Variants in FHIP1A observed in about 807,000 individuals in gnomAD.
The protein encoded by FHIP1A is FHF complex subunit HOOK-interacting protein 1A.
In FHIP1A, 61 loss-of-function variants were observed where a neutral mutation model predicts 88.6. That is an observed-to-expected ratio of 0.69 (90% CI 0.56 to 0.85). FHIP1A has a LOEUF of 0.85. FHIP1A is among the 40% of genes least tolerant of loss of function. FHIP1A has a pLI of 0.00. For missense variants in FHIP1A, 1,154 were observed against 1,273.5 expected (o/e 0.91, Z 1.43); for synonymous variants, 478 against 496.0 (o/e 0.96, Z 0.48).
chr4:151,535,301 T>C (rs1416145263), intron 3 of FHIP1A, among the ~76,000 whole-genome samples: 1 of 152,196 alleles, frequency 6.6e-6, no homozygotes, highest in Non-Finnish European at 1.5e-5. Context: ...CACGAGCAGA[T>C]TGGTTAAATA....
intron 11 of FHIP1A, among the ~76,000 whole-genome samples, chr4:151,654,072 GT>G (rs758206414): frequency 0.019 from 2,607 of 139,672 alleles, 42 homozygotes; most frequent in African/African-American, 0.049. Flanking sequence ...GTTAAGCAGG[GT>G]TTTTTTTTTT....
intron 3 of FHIP1A, among the ~76,000 whole-genome samples, chr4:151,514,812 A>G (rs1314770783): frequency 6.6e-6 from 1 of 152,216 alleles, no homozygotes; most frequent in Non-Finnish European, 1.5e-5. Flanking sequence ...GCAATAATCA[A>G]TAGCTTACCA....
At chr4:151,521,303 G>A (rs1731434497) in intron 3 of FHIP1A, among the ~76,000 whole-genome samples, 1 of 152,054 alleles carries the variant, frequency 6.6e-6, no homozygotes, top group African/African-American at 2.4e-5. Context: ...TTTAAGGGAG[G>A]AACAGTCATT....
At chr4:151,569,903 C>T (rs1240593847) in intron 4 of FHIP1A, among the ~76,000 whole-genome samples, 2 of 152,136 alleles carry the variant, frequency 1.3e-5, no homozygotes, top group African/African-American at 4.8e-5. Context: ...CATGGCATCC[C>T]CAGAATCATT....
At chr4:151,629,932 T>C in intron 8 of FHIP1A, 63 bp downstream of exon 8, 1 of 1,325,740 alleles carries the variant, frequency 7.5e-7, no homozygotes, top group Non-Finnish European at 1.0e-6. Context: ...GAGTTTTTTT[T>C]TGGGAATGAA....
At chr4:151,528,634 A>G (rs1342370071) in intron 3 of FHIP1A, among the ~76,000 whole-genome samples, 1 of 152,098 alleles carries the variant, frequency 6.6e-6, no homozygotes, top group Non-Finnish European at 1.5e-5. Flanking sequence ...TTTGACTGTC[A>G]TTTTTTAAAT....
intron 7 of FHIP1A, among the ~76,000 whole-genome samples, chr4:151,593,000 C>A (rs1247529308): frequency 3.3e-5 from 5 of 152,152 alleles, no homozygotes; most frequent in Non-Finnish European, 7.4e-5. Context: ...GTTTTCCCAG[C>A]ACCATTTATT....
chr4:151,516,608 A>G (rs865806449), intron 3 of FHIP1A, among the ~76,000 whole-genome samples: 3 of 152,222 alleles, frequency 2.0e-5, no homozygotes, highest in Non-Finnish European at 1.5e-5. Flanking sequence ...TTTACAAGAA[A>G]AAAACAAACA....
chr4:151,496,462 C>T (rs1730464308), intron 3 of FHIP1A, among the ~76,000 whole-genome samples: 1 of 151,946 alleles, frequency 6.6e-6, no homozygotes, highest in South Asian at 2.1e-4. Flanking sequence ...TTTGTGCTCT[C>T]ATGTAGTTGA....
chr4:151,617,886 A>G lies in FHIP1A; in HGVS notation c.979-11816A>G, dbSNP rs768817135. The stretch of plus-strand genomic sequence containing the variant: ...GGGTGACAGAGAGAGACTCTGTCTT[A>G]AAAAAAAGAAAAAGTGTATTCATCT... On this transcript the variant is annotated intron_variant, in intron 7 of 13. Transcript: ENST00000435205. 6.4e-4 allele frequency among the ~76,000 whole-genome samples: 97 copies of G among 152,078 alleles called. 1 individual carries two copies. Among genetic ancestry groups the G allele is most frequent in the Non-Finnish European group, 1.1e-3 (75 of 67,948 alleles).
intron 1 of FHIP1A, among the ~76,000 whole-genome samples, chr4:151,418,778 A>G (rs2126516106): frequency 6.6e-6 from 1 of 152,258 alleles, no homozygotes; most frequent in East Asian, 1.9e-4. Context: ...AGGAGTTGAG[A>G]GTAACTCTGC....
intron 3 of FHIP1A, among the ~76,000 whole-genome samples, chr4:151,500,961 G>A (rs1181541992): frequency 6.6e-6 from 1 of 152,152 alleles, no homozygotes; most frequent in Non-Finnish European, 1.5e-5. Flanking sequence ...TGCTGTGTTG[G>A]TTAAAATGGC....
rs56199696 is a variant in FHIP1A at position 151,445,849 on chromosome 4, A to AATATATATAT, written c.-355-8837_-355-8828dup. On this transcript the variant is annotated intron_variant, in intron 1 of 13. Transcript: ENST00000435205. ...CAGCCTGAGAGACCTCATCTCTTAA[A>AATATATATAT]ATATATATATATATATATATATATT... Among the ~76,000 whole-genome samples, 164 of 97,996 alleles carry AATATATATAT rather than the reference A, an allele frequency of 1.7e-3. 7 individuals carry two copies. The highest frequency in any genetic ancestry group is 4.9e-3 in the Middle Eastern group (1 of 206). The allele number at this position is 97,996 out of a possible 152,430, so 64.3% of individuals were successfully genotyped here.
rs969706144 is a variant in FHIP1A, at chr4:151,445,821, C to T, written c.-355-8880C>T. ...AGTGACCTATGATCACACCTCTGCA[C>T]GCCAGCCTGAGAGACCTCATCTCTT... On this transcript the variant is annotated intron_variant, in intron 1 of 13. Transcript: ENST00000435205. Among the ~76,000 whole-genome samples the T allele has an allele frequency of 1.2e-4, 14 of 120,858 alleles. 1 individual carries two copies. Among genetic ancestry groups the T allele is most frequent in the East Asian group, 4.6e-4 (2 of 4,374 alleles). The allele number at this position is 120,858 out of a possible 152,430, so 79.3% of individuals were successfully genotyped here.
At position 151,661,408 on chromosome 4, in the gene FHIP1A, G is replaced by GTTT. The variant is rs5862966; in HGVS notation, c.2870-1077_2870-1075dup. 3.9e-3 allele frequency among the ~76,000 whole-genome samples: 502 copies of GTTT among 128,572 alleles called. 2 individuals carry two copies. Among genetic ancestry groups the GTTT allele is most frequent in the Middle Eastern group, 0.013 (3 of 238 alleles). 84.3% of individuals were successfully genotyped at this position (128,572 alleles called of 152,430 possible). A position where few individuals can be genotyped will look rare whatever the true frequency, so the allele number is the denominator to read the frequency against. ...TATTTAAAGCAGTCAAGTGGAAGTT[G>GTTT]TTTTTTTTTTTTTTTTTTAACACTA... is the stretch of plus-strand genomic sequence containing the variant. On this transcript the variant is annotated intron_variant, in intron 13 of 13. Transcript: ENST00000435205.
chr4:151,575,769 T>A (rs1311737294), intron 4 of FHIP1A, among the ~76,000 whole-genome samples: 4 of 152,216 alleles, frequency 2.6e-5, no homozygotes, highest in Non-Finnish European at 5.9e-5. Flanking sequence ...TCCCTGTTTC[T>A]GACAAGGGAG....
chr4:151,426,642 A>G (rs1450597685), intron 1 of FHIP1A, among the ~76,000 whole-genome samples: 1 of 152,186 alleles, frequency 6.6e-6, no homozygotes. Flanking sequence ...GATGAAATCA[A>G]GAAAGGGCCA....
Position 151,446,135 on chromosome 4 carries a change from G to A in FHIP1A, c.-355-8566G>A, listed in dbSNP as rs190361916. Among the ~76,000 whole-genome samples the A allele has an allele frequency of 1.4e-3, 208 of 151,978 alleles. 1 individual carries two copies. The highest frequency in any genetic ancestry group is 4.8e-3 in the African/African-American group (197 of 41,472). On this transcript the variant is annotated intron_variant, in intron 1 of 13. Transcript: ENST00000435205. The stretch of plus-strand genomic sequence containing the variant: ...AGTATATCAGTGTATGAAATTGTCT[G>A]TGGCTCCCCATCTTGGACAACACAT...
intron 3 of FHIP1A, among the ~76,000 whole-genome samples, chr4:151,517,019 A>T (rs1248802325): frequency 6.6e-6 from 1 of 152,218 alleles, no homozygotes; most frequent in Non-Finnish European, 1.5e-5. Flanking sequence ...TTATTGCGGC[A>T]CTATTCTCAA....
Sources: gnomAD v4.1 joint callset for allele counts (sites outside exome capture counted in the v4.1 genomes callset) on GRCh38, gnomAD v4.1.1 for gene constraint, MANE v1.5 for transcripts, NCBI Gene and HGNC (gene_info 2026-07-23, HGNC 2026-07-21) for gene names.